FAN1: variants seen among roughly 807,000 people sequenced by gnomAD.
FAN1 encodes the protein FANCD2 and FANCI associated nuclease 1, also known as fanconi-associated nuclease 1.
In FAN1, 91 loss-of-function variants were observed where a neutral mutation model predicts 104.9. The observed-to-expected ratio is 0.87, with a 90% CI of 0.73 to 1.03. The LOEUF (loss-of-function observed/expected upper bound fraction) is 1.03, where lower values mean the gene tolerates loss of function less well. Ranked by LOEUF, FAN1 falls within the 50% of genes least tolerant of loss-of-function variation. The pLI is 0.00. For missense variants in FAN1, 1,263 were observed against 1,239.9 expected (o/e 1.02, Z -0.28); for synonymous variants, 478 against 457.6 (o/e 1.04, Z -0.57).
chr15:30,941,499 A>C, intron 14 of FAN1, 67 bp from the exon 15 acceptor site: 1 of 1,611,506 alleles, frequency 6.2e-7, no homozygotes, highest in Non-Finnish European at 8.5e-7. Context: ...GTCTCAGTAG[A>C]CAACCATATT....
At chr15:30,911,174 T>C (rs1489446558) in intron 4 of FAN1, 1 of 1,019,360 alleles carries the variant, frequency 9.8e-7, no homozygotes. Flanking sequence ...AAACAAAGTA[T>C]AATCAGGCAG....
intron 11 of FAN1, among the ~76,000 whole-genome samples, 161 bp from the exon 12 acceptor site, chr15:30,929,042 G>C (rs1046193980): frequency 7.9e-5 from 12 of 152,174 alleles, no homozygotes; most frequent in African/African-American, 2.9e-4. Flanking sequence ...TAAAAAACAA[G>C]TTTAATAAAT....
At position 30,914,069 on chromosome 15, in the gene FAN1, C is replaced by T. The variant is rs1289147981; in HGVS notation, c.1789C>T (p.Gln597Ter). The T allele has an allele frequency of 6.2e-7, 1 of 1,613,212 alleles. No individual in the cohort carries two copies. The highest frequency in any genetic ancestry group is 1.1e-5 in the South Asian group (1 of 91,054). The change falls in exon 5 of 15, where the codon CAA (glutamine) becomes TAA (stop). Residue 597 changes from glutamine to a stop codon, truncating the protein, a stop_gained. Coordinates refer to ENST00000362065, the MANE Select transcript of FAN1 (RefSeq NM_014967.5). LOFTEE classifies it high-confidence loss of function. ...YTINRKTHIF[Q>*]DRDDLIRYAA... is the part of the protein sequence containing the mutation. Reference sequence around the variant, plus strand: ...CATCAATCGGAAAACCCACATCTTCCAAGACAGAGATGATCTTATCAGGTA... The same window carrying T: ...CATCAATCGGAAAACCCACATCTTCTAAGACAGAGATGATCTTATCAGGTA...
chr15:30,936,824 T>C (rs559825457), intron 13 of FAN1, among the ~76,000 whole-genome samples: 1 of 152,310 alleles, frequency 6.6e-6, no homozygotes, highest in South Asian at 2.1e-4. Flanking sequence ...TGTGGCTGAC[T>C]GGGAGCTGTG....
At chr15:30,939,490 T>C (rs940185049) in intron 14 of FAN1, 1 of 984,678 alleles carries the variant, frequency 1.0e-6, no homozygotes, top group Non-Finnish European at 1.2e-6. Context: ...TTATGCACAA[T>C]AAACTGTAGC....
At position 30,942,298 on chromosome 15, in the gene FAN1, C is replaced by T. The variant is rs938215501; in HGVS notation, c.*736C>T. 50 of 596,712 alleles carry T rather than the reference C, an allele frequency of 8.4e-5. No homozygotes were observed. The highest frequency in any genetic ancestry group is 4.6e-4 in the African/African-American group (25 of 53,770). 37.0% of individuals were successfully genotyped at this position (596,712 alleles called of 1,614,324 possible). On this transcript the variant is annotated 3_prime_UTR_variant, in exon 15 of 15. Transcript: ENST00000362065. The stretch of plus-strand genomic sequence containing the variant: ...CTGTTACTATCAGCCTGAATGGGGG[C>T]GGGATGAGAGTACCTCCTATCCACT...
At chr15:30,937,301 T>C in intron 14 of FAN1, 42 bp downstream of exon 14, 3 of 1,554,458 alleles carry the variant, frequency 1.9e-6, no homozygotes, top group Middle Eastern at 1.7e-4. Flanking sequence ...AATGTAAGAT[T>C]TTCAAGAGTA....
intron 6 of FAN1, 122 bp from the exon 7 acceptor site, chr15:30,920,423 T>C: frequency 2.9e-6 from 2 of 684,896 alleles, no homozygotes; most frequent in Non-Finnish European, 5.0e-6. Context: ...TGTACACAAC[T>C]GAAAGTATTT....
At chr15:30,933,208 AGGTGGAAGCTAT>A (rs1373416286) in intron 13 of FAN1, among the ~76,000 whole-genome samples, 1 of 152,046 alleles carries the variant, frequency 6.6e-6, no homozygotes, top group Non-Finnish European at 1.5e-5. Context: ...TAGTTTCTCA[AGGTGGAAGCTAT>A]GGTGATTGCT....
rs755838640 is a variant in FAN1, at chr15:30,922,259, C to CTT, written c.2080_2081dup (p.Leu694PhefsTer27). 1.2e-6 allele frequency: 2 copies of CTT among 1,612,162 alleles called. No homozygotes were observed. The highest frequency in any genetic ancestry group is 4.5e-5 in the East Asian group (2 of 44,868). ...GGAAGCCGTCAGAGAACTTGAAAGC[C>CTT]TTTTGTCTCAGAGAATTTATTGTCC... On this transcript the variant is annotated frameshift_variant, in exon 8 of 15. Coordinates refer to ENST00000362065, the MANE Select transcript of FAN1 (RefSeq NM_014967.5). LOFTEE classifies it high-confidence loss of function.
chr15:30,928,537 T>TGTGTGTGTGTGA lies in FAN1; in HGVS notation c.2489-13_2489-12insTGTGTGTGAGTG. The TGTGTGTGTGTGA allele has an allele frequency of 6.2e-7, 1 of 1,612,806 alleles. No individual in the cohort carries two copies. The highest frequency in any genetic ancestry group is 8.5e-7 in the Non-Finnish European group (1 of 1,179,288). On this transcript the variant is annotated splice_polypyrimidine_tract_variant and intron_variant, in intron 10 of 14. Coordinates refer to ENST00000362065, the MANE Select transcript of FAN1 (RefSeq NM_014967.5). ...GTGTGTGTGTGTGTGTGTGTGTGTG[T>TGTGTGTGTGTGA]GTGACCTTGTCTTAGGGATTCATGG... is the stretch of plus-strand genomic sequence containing the variant.
intron 14 of FAN1, chr15:30,939,496 G>A (rs1223205001): frequency 9.1e-6 from 9 of 983,786 alleles, no homozygotes; most frequent in Non-Finnish European, 1.1e-5. Flanking sequence ...ACAATAAACT[G>A]TAGCACAATA....
chr15:30,924,874 G>T (rs2062419779), intron 8 of FAN1, among the ~76,000 whole-genome samples: 1 of 152,170 alleles, frequency 6.6e-6, no homozygotes, highest in Non-Finnish European at 1.5e-5. Context: ...GCAGCTGCTG[G>T]GATCCACTGT....
Position 30,905,015 on chromosome 15 carries a change from A to G in FAN1, c.352A>G (p.Lys118Glu). The G allele has an allele frequency of 2.5e-6, 4 of 1,614,096 alleles. No homozygotes were observed. The highest frequency in any genetic ancestry group is 3.4e-6 in the Non-Finnish European group (4 of 1,180,028). ...AACCCCTGGCCAAAGTGATTCAGCA[A>G]AAAGGGAAGTAAAGCAGAAGATCAG... The part of the protein sequence containing the change: ...NLTPGQSDSA[K>E]REVKQKISPY... The change falls in exon 2 of 15, where the codon AAA becomes GAA. Residue 118 changes from lysine to glutamate, a missense_variant. Physicochemically the swap from Lys to Glu is moderately conservative, Grantham distance 56. Around this residue, in one of 2 missense-constraint regions of FAN1, gnomAD observed 682 missense variants for 571.1 expected, o/e 1.19. Transcript: ENST00000362065.
Position 30,915,544 on chromosome 15 carries a change from G to A in FAN1, c.1811+1453G>A, listed in dbSNP as rs183405820. On this transcript the variant is annotated intron_variant, in intron 5 of 14. Coordinates refer to ENST00000362065, the MANE Select transcript of FAN1 (RefSeq NM_014967.5). Reference sequence around the variant, plus strand: ...AACTACTCGGGAGGCTGGGGCAGGAGGGTCACTTGAGTCCAGAAATTCGGG... The same window carrying A: ...AACTACTCGGGAGGCTGGGGCAGGAAGGTCACTTGAGTCCAGAAATTCGGG... Among the ~76,000 whole-genome samples, 305 of 151,790 alleles carry A rather than the reference G, an allele frequency of 2.0e-3. 2 individuals carry two copies. The highest frequency in any genetic ancestry group is 7.0e-3 in the African/African-American group (289 of 41,088).
intron 5 of FAN1, among the ~76,000 whole-genome samples, chr15:30,917,335 G>A (rs542096612): frequency 1.3e-4 from 20 of 152,178 alleles, no homozygotes; most frequent in Admixed American, 8.5e-4. Flanking sequence ...CTCAGGGAAT[G>A]GGTCTGGCCT....
At chr15:30,904,067 G>T (rs932902687) in intron 1 of FAN1, 56 bp downstream of exon 1, 2 of 152,226 alleles carry the variant, frequency 1.3e-5, no homozygotes, top group Non-Finnish European at 2.9e-5. Flanking sequence ...GCTGGCCGGG[G>T]CCTCGGCTCC....
chr15:30,906,039 T>G, intron 2 of FAN1, 142 bp downstream of exon 2: 1 of 757,200 alleles, frequency 1.3e-6, no homozygotes, highest in Non-Finnish European at 2.2e-6. Flanking sequence ...TTCATGGGAG[T>G]TGGAGCATAG....
chr15:30,932,473 A>G (rs1391166498), intron 13 of FAN1, among the ~76,000 whole-genome samples: 1 of 152,122 alleles, frequency 6.6e-6, no homozygotes. Context: ...GGGATGGAAT[A>G]GTTGGTGTAG....
Sources: gnomAD v4.1 joint callset for allele counts (sites outside exome capture counted in the v4.1 genomes callset) on GRCh38, gnomAD v4.1.1 for gene constraint, gnomAD v4.1.1 regional missense constraint, MANE v1.5 for transcripts, NCBI Gene and HGNC (gene_info 2026-07-23, HGNC 2026-07-21) for gene names.